TPST2: variants seen among roughly 807,000 people sequenced by gnomAD.
The protein encoded by TPST2 is tyrosylprotein sulfotransferase 2, also known as protein-tyrosine sulfotransferase 2.
A neutral mutation model predicts 27.8 loss-of-function variants in TPST2; 16 were observed. The ratio of observed to expected loss-of-function variants is 0.58; its 90% CI spans 0.39 to 0.88. The LOEUF is 0.88. Ranked by LOEUF, TPST2 falls within the 40% of genes least tolerant of loss-of-function variation. TPST2 has a pLI of 0.00. For synonymous variants in TPST2, 229 were observed against 231.7 expected (o/e 0.99, Z 0.10); for missense variants, 464 against 543.1 (o/e 0.85, Z 1.45).
intron 3 of TPST2, among the ~76,000 whole-genome samples, chr22:26,537,065 A>G (rs1259062322): frequency 6.6e-6 from 1 of 152,178 alleles, no homozygotes; most frequent in African/African-American, 2.4e-5. Context: ...CAAAAAAAAA[A>G]GAAACACTTT....
intron 6 of TPST2, 131 bp downstream of exon 6, chr22:26,528,076 TGGGGCTG>T: frequency 2.3e-6 from 2 of 887,288 alleles, no homozygotes; most frequent in Non-Finnish European, 3.5e-6. Context: ...AAACCTCTGA[TGGGGCTG>T]GGTCAGCCCA....
In TPST2 at chr22:26,582,926, A is replaced by T. The variant is rs547089374; in HGVS notation, c.-161+7127T>A. ...AGGGGCCTGTACCAGGTAAGGTGGCACGGCACCCTAGCGCCCAGAGACAGG... is the reference window on the plus strand; with the variant it reads ...AGGGGCCTGTACCAGGTAAGGTGGCTCGGCACCCTAGCGCCCAGAGACAGG... On this transcript the variant is annotated intron_variant, in intron 1 of 6. Transcript: ENST00000338754. Among the ~76,000 whole-genome samples, 9 of 152,154 alleles carry T rather than the reference A, an allele frequency of 5.9e-5. No individual in the cohort carries two copies. In the South Asian group the frequency reaches 1.5e-3, roughly 25 times the overall value.
chr22:26,559,955 C>T (rs941351172), intron 1 of TPST2, among the ~76,000 whole-genome samples: 1 of 152,124 alleles, frequency 6.6e-6, no homozygotes, highest in African/African-American at 2.4e-5. Flanking sequence ...GGTATAGAAG[C>T]ATATCATATC....
At position 26,541,315 on chromosome 22, in the gene TPST2, C is replaced by T. The variant is rs1294586796; in HGVS notation, c.316G>A (p.Val106Met). Residue 106 changes from valine (V) to methionine (M), a missense_variant, in exon 3 of 7, where the codon GTG becomes ATG. By Grantham distance (21) the Val-to-Met change is conservative (BLOSUM62 1). Coordinates refer to ENST00000338754, the MANE Select transcript of TPST2 (RefSeq NM_003595.5). This position sits in a 1 kb window ranked among gnomAD's most constrained non-coding sequence, Gnocchi z 5.9. ...CGEETRIIPR[V>M]LAMRQAWSKS... ...GACCAGGCCTGGCGCATGGCCAGCA[C>T]GCGCGGGATGATGCGGGTCTCCTCG... 17 of 1,544,444 alleles carry T rather than the reference C, an allele frequency of 1.1e-5. No individual in the cohort carries two copies. The highest frequency in any genetic ancestry group is 5.5e-5 in the African/African-American group (4 of 73,252).
At chr22:26,532,775 T>A in intron 4 of TPST2, 30 bp from the exon 5 acceptor site, 2 of 1,606,674 alleles carry the variant, frequency 1.2e-6, no homozygotes, top group South Asian at 2.2e-5. Flanking sequence ...ATATCACTAT[T>A]ATGAAAATGG....
At chr22:26,531,748 A>G (rs2078936856) in intron 5 of TPST2, among the ~76,000 whole-genome samples, 1 of 152,180 alleles carries the variant, frequency 6.6e-6, no homozygotes, top group African/African-American at 2.4e-5. Context: ...GCCCAGTTCC[A>G]CGACTGCCCC....
intron 1 of TPST2, among the ~76,000 whole-genome samples, chr22:26,587,630 G>A (rs912408754): frequency 1.6e-4 from 25 of 152,092 alleles, no homozygotes; most frequent in African/African-American, 5.1e-4. Flanking sequence ...GTGAGCCTCC[G>A]TGCCCGGCCT....
rs149354327 is a variant in TPST2, at chr22:26,542,745, G to A, written c.-88-1027C>T. Among the ~76,000 whole-genome samples the A allele has an allele frequency of 1.4e-3, 212 of 152,286 alleles. 3 individuals are homozygous for A. The highest frequency in any genetic ancestry group is 4.5e-3 in the African/African-American group (187 of 41,572). On this transcript the variant is annotated intron_variant, in intron 2 of 6. Coordinates refer to ENST00000338754, the MANE Select transcript of TPST2 (RefSeq NM_003595.5). ...GTTACCAGCAAAGGGAATAGCCAGC[G>A]CAGAGCCACAGGCAGGAAAGGATGC...
chr22:26,536,090 T>C (rs1354132888), intron 4 of TPST2, 198 bp downstream of exon 4: 1 of 751,568 alleles, frequency 1.3e-6, no homozygotes, highest in South Asian at 1.5e-5. Flanking sequence ...GGCTACCAGT[T>C]GGCTTTGAGC....
chr22:26,571,954 T>TCC (rs1927644770), intron 1 of TPST2, among the ~76,000 whole-genome samples: 1 of 152,130 alleles, frequency 6.6e-6, no homozygotes, highest in Non-Finnish European at 1.5e-5. Flanking sequence ...CCTGTCCCCA[T>TCC]ATGGTGGCAT....
intron 1 of TPST2, among the ~76,000 whole-genome samples, chr22:26,554,140 G>A (rs1014327680): frequency 1.3e-5 from 2 of 152,184 alleles, no homozygotes; most frequent in African/African-American, 2.4e-5. Context: ...AAGTGGCTGA[G>A]TTTGATCTGG....
chr22:26,552,685 A>G (rs1926546606), intron 1 of TPST2, among the ~76,000 whole-genome samples: 1 of 152,200 alleles, frequency 6.6e-6, no homozygotes, highest in South Asian at 2.1e-4. Context: ...CTGCGTTTCC[A>G]TAAGACTAGT....
At chr22:26,585,816 C>T (rs563611843) in intron 1 of TPST2, among the ~76,000 whole-genome samples, 72 of 152,072 alleles carry the variant, frequency 4.7e-4, no homozygotes, top group African/African-American at 1.4e-3. Context: ...TTTGAGAGGC[C>T]GAGGCGGGCG....
chr22:26,553,841 T>C (rs1250054548), intron 1 of TPST2, among the ~76,000 whole-genome samples: 1 of 152,188 alleles, frequency 6.6e-6, no homozygotes, highest in Non-Finnish European at 1.5e-5. Flanking sequence ...ACAATCTAAA[T>C]GCTATGTAGG....
At chr22:26,552,649 G>C (rs959889929) in intron 1 of TPST2, among the ~76,000 whole-genome samples, 8 of 152,176 alleles carry the variant, frequency 5.3e-5, no homozygotes, top group Admixed American at 5.2e-4. Context: ...AAACAACCAA[G>C]ATGACACATA....
intron 1 of TPST2, among the ~76,000 whole-genome samples, chr22:26,576,442 G>C (rs137993168): frequency 6.6e-6 from 1 of 152,264 alleles, no homozygotes; most frequent in East Asian, 1.9e-4. Context: ...AGCAAGTCAT[G>C]TCATCACAGA....
At chr22:26,577,129 C>T in intron 1 of TPST2, among the ~76,000 whole-genome samples, 1 of 149,914 alleles carries the variant, frequency 6.7e-6, no homozygotes, top group Admixed American at 6.7e-5. Context: ...TTAAATTAGC[C>T]AAGCGTGGTG....
At chr22:26,571,438 T>C (rs990304229) in intron 1 of TPST2, among the ~76,000 whole-genome samples, 2 of 151,866 alleles carry the variant, frequency 1.3e-5, no homozygotes, top group South Asian at 2.1e-4. Context: ...ATTTTTTTTT[T>C]CCCCCAGCAC....
intron 1 of TPST2, among the ~76,000 whole-genome samples, chr22:26,577,109 A>AG (rs1385965569): frequency 2.0e-5 from 3 of 150,908 alleles, no homozygotes; most frequent in Non-Finnish European, 4.4e-5. Context: ...AAAAAAAAAA[A>AG]AAAAGAAAAT....
Sources: allele counts gnomAD v4.1 joint callset (sites outside exome capture counted in the v4.1 genomes callset), GRCh38; gene constraint gnomAD v4.1.1; non-coding constraint Gnocchi (gnomAD v3.1); transcripts MANE v1.5; gene names NCBI Gene and HGNC (gene_info 2026-07-23, HGNC 2026-07-21).